ANK3: variants seen among roughly 807,000 people sequenced by gnomAD.
The protein encoded by ANK3 is ankyrin-3.
Under a neutral mutation model 370.9 loss-of-function variants are expected in ANK3, and 57 were observed. The ratio of observed to expected loss-of-function variants is 0.15; its 90% CI spans 0.12 to 0.19. ANK3 has a LOEUF of 0.19. Among genes scored for constraint, ANK3 ranks in the 10% least tolerant of loss-of-function variants. The pLI is 1.00. For missense variants in ANK3, 4,439 were observed against 5,302.1 expected (o/e 0.84, Z 5.06); for synonymous variants, 1,929 against 1,946.3 (o/e 0.99, Z 0.23).
chr10:60,668,236 C>T (rs933956262), intron 1 of ANK3, among the ~76,000 whole-genome samples: 13 of 151,452 alleles, frequency 8.6e-5, no homozygotes, highest in Non-Finnish European at 1.5e-4. Flanking sequence ...ACTCATCAGA[C>T]GAAGGGCTAA....
chr10:60,504,645 G>T (rs931354544), intron 2 of ANK3, among the ~76,000 whole-genome samples: 5 of 152,262 alleles, frequency 3.3e-5, no homozygotes, highest in South Asian at 2.1e-4. Flanking sequence ...TAAAATAATA[G>T]AATCCCTCAG....
rs764237893 is a variant in ANK3, at chr10:60,055,889, A to G, written c.12834T>C (p.Ser4278=). 4 of 1,613,952 alleles carry G rather than the reference A, an allele frequency of 2.5e-6. No individual in the cohort carries two copies. The highest frequency in any genetic ancestry group is 3.4e-6 in the Non-Finnish European group (4 of 1,179,974). ...PESQNDVGKQ[S]TKETLKPKIH... ...TTTTTGGTTTCAGAGTTTCCTTGGT[A>G]CTCTGTTTTCCTACATCATTTTGGG... is the stretch of plus-strand genomic sequence containing the variant. The change falls in exon 42 of 44, where the codon AGT becomes AGC. Residue 4278 remains serine (S), a synonymous_variant. Coordinates refer to ENST00000280772, the MANE Select transcript of ANK3 (RefSeq NM_020987.5).
At chr10:60,033,514 CAA>C (rs537623584) in intron 43 of ANK3, among the ~76,000 whole-genome samples, 13 of 50,656 alleles carry the variant, frequency 2.6e-4, no homozygotes, top group Admixed American at 8.9e-4. Flanking sequence ...GACTCAGTCT[CAA>C]AAAAAAAAAA....
At position 60,073,729 on chromosome 10, in the gene ANK3, A is replaced by C. The variant is rs746497769; in HGVS notation, c.7152T>G (p.Pro2384=). The change falls in exon 37 of 44, where the codon CCT becomes CCG. Residue 2384 remains proline (P), a synonymous_variant. Coordinates refer to ENST00000280772, the MANE Select transcript of ANK3 (RefSeq NM_020987.5). ...DFLPEKHDAF[P]CSEEQGQQEE... ...CTTGCTGACCCTGTTCCTCTGAACA[A>C]GGAAAAGCATCGTGTTTTTCTGGCA... The C allele has an allele frequency of 1.5e-5, 24 of 1,613,910 alleles. No homozygotes were observed. Among genetic ancestry groups the C allele is most frequent in the South Asian group, 4.4e-5 (4 of 91,086 alleles).
At chr10:60,389,253 C>T (rs1392069735) in intron 1 of ANK3, among the ~76,000 whole-genome samples, 172 bp downstream of exon 1, 1 of 152,132 alleles carries the variant, frequency 6.6e-6, no homozygotes, top group East Asian at 1.9e-4. Context: ...TTGCCTTGCC[C>T]ATCCTATGGC....
intron 7 of ANK3, among the ~76,000 whole-genome samples, chr10:60,257,949 G>A (rs2097760550): frequency 6.6e-6 from 1 of 152,212 alleles, no homozygotes; most frequent in Non-Finnish European, 1.5e-5. Context: ...AATGACAAGA[G>A]TGAAGATTAG....
chr10:60,061,731 G>GACTT (rs769502494), intron 40 of ANK3, among the ~76,000 whole-genome samples: 69 of 147,668 alleles, frequency 4.7e-4, no homozygotes, highest in Non-Finnish European at 9.3e-4. Flanking sequence ...ATCTTTTGTT[G>GACTT]ACTTAAACTT....
At chr10:60,588,119 CA>C (rs996415872) in intron 2 of ANK3, among the ~76,000 whole-genome samples, 194 of 148,216 alleles carry the variant, frequency 1.3e-3, no homozygotes, top group African/African-American at 4.6e-3. Context: ...ATATTCCTAG[CA>C]AAAAAAAATT....
intron 26 of ANK3, among the ~76,000 whole-genome samples, chr10:60,112,324 C>T (rs2092773099): frequency 1.6e-5 from 1 of 63,912 alleles, no homozygotes; most frequent in Non-Finnish European, 3.9e-5. Flanking sequence ...TGAATGTATC[C>T]CAGATGTTAT....
intron 1 of ANK3, among the ~76,000 whole-genome samples, chr10:60,677,843 T>A (rs2133387726): frequency 6.6e-6 from 1 of 150,984 alleles, no homozygotes; most frequent in East Asian, 2.0e-4. Context: ...ACCACCACAC[T>A]ACTAGCTTTT....
At chr10:60,686,287 T>C (rs1425788104) in intron 1 of ANK3, among the ~76,000 whole-genome samples, 1 of 152,136 alleles carries the variant, frequency 6.6e-6, no homozygotes, top group Non-Finnish European at 1.5e-5. Context: ...TATTAAAAGT[T>C]GTTCAATCTC....
intron 1 of ANK3, among the ~76,000 whole-genome samples, chr10:60,670,021 C>T (rs1293463276): frequency 2.0e-5 from 3 of 151,956 alleles, no homozygotes; most frequent in Non-Finnish European, 4.4e-5. Flanking sequence ...AACAGGGTCT[C>T]GCTATGTTGC....
chr10:60,318,612 G>A (rs2047968124), intron 1 of ANK3, among the ~76,000 whole-genome samples: 1 of 152,158 alleles, frequency 6.6e-6, no homozygotes, highest in South Asian at 2.1e-4. Flanking sequence ...GGGAAGCAGA[G>A]TGCAAATTGC....
At chr10:60,202,742 T>C (rs1306110843) in intron 12 of ANK3, among the ~76,000 whole-genome samples, 1 of 151,954 alleles carries the variant, frequency 6.6e-6, no homozygotes, top group Non-Finnish European at 1.5e-5. Context: ...CCCCCGTCTC[T>C]ACAAAACATT....
At chr10:60,334,354 C>T (rs2052246938) in intron 1 of ANK3, among the ~76,000 whole-genome samples, 1 of 152,162 alleles carries the variant, frequency 6.6e-6, no homozygotes. Context: ...CCAAAAGCCA[C>T]CACACCACAA....
intron 7 of ANK3, among the ~76,000 whole-genome samples, chr10:60,237,608 A>T (rs1434955870): frequency 6.6e-6 from 1 of 151,018 alleles, no homozygotes; most frequent in Non-Finnish European, 1.5e-5. Context: ...TCTTTTTTTT[A>T]AATTTAATTT....
intron 1 of ANK3, among the ~76,000 whole-genome samples, chr10:60,342,755 C>A (rs144261480): frequency 6.6e-6 from 1 of 152,056 alleles, no homozygotes. Context: ...GATCTGGAAT[C>A]GAGAGATCCT....
chr10:60,635,440 G>A (rs899957938), intron 1 of ANK3, among the ~76,000 whole-genome samples: 2 of 152,116 alleles, frequency 1.3e-5, no homozygotes, highest in Admixed American at 1.3e-4. Flanking sequence ...TGAATAGATA[G>A]AAGTACAACA....
intron 2 of ANK3, among the ~76,000 whole-genome samples, chr10:60,396,150 A>G (rs1213177196): frequency 1.3e-5 from 2 of 152,228 alleles, no homozygotes; most frequent in African/African-American, 4.8e-5. Context: ...CGAGCCAGGG[A>G]GTAAACAAAT....
Sources: gnomAD v4.1 joint callset for allele counts (sites outside exome capture counted in the v4.1 genomes callset) on GRCh38, gnomAD v4.1.1 for gene constraint, MANE v1.5 for transcripts, NCBI Gene and HGNC (gene_info 2026-07-23, HGNC 2026-07-21) for gene names.